The following NOS1AP variants were observed in gnomAD, a reference collection of about 807,000 sequenced individuals.
The protein encoded by NOS1AP is carboxyl-terminal PDZ ligand of neuronal nitric oxide synthase protein.
In NOS1AP, 21 loss-of-function variants were observed where a neutral mutation model predicts 56.2. The ratio of observed to expected loss-of-function variants is 0.37; its 90% CI spans 0.26 to 0.54. The LOEUF (loss-of-function observed/expected upper bound fraction) is 0.54, where lower values mean the gene tolerates loss of function less well. NOS1AP is among the 20% of genes least tolerant of loss of function. The pLI, the probability that NOS1AP is intolerant of heterozygous loss-of-function variation, is 0.84. For synonymous variants in NOS1AP, 270 were observed against 274.6 expected, an observed-to-expected ratio of 0.98 and a Z score of 0.17; for missense variants, 522 against 657.8, an observed-to-expected ratio of 0.79 and a Z score of 2.26.
chr1:162,127,876 A>G (rs1010751692), intron 1 of NOS1AP, among the ~76,000 whole-genome samples: 7 of 152,232 alleles, frequency 4.6e-5, no homozygotes, highest in African/African-American at 1.2e-4. Flanking sequence ...TCGTGGGGAC[A>G]TAGATCCAAA....
chr1:162,235,110 G>C (rs193165031), intron 2 of NOS1AP, among the ~76,000 whole-genome samples: 161 of 151,208 alleles, frequency 1.1e-3, no homozygotes, highest in African/African-American at 3.6e-3. Context: ...TACAGAGAGA[G>C]AGAAATTTTT....
At chr1:162,286,569 G>T (rs150259849) in intron 2 of NOS1AP, among the ~76,000 whole-genome samples, 347 of 152,316 alleles carry the variant, frequency 2.3e-3, no homozygotes, top group African/African-American at 8.2e-3. Flanking sequence ...GGCTATGAAT[G>T]AACAAATGTA....
intron 4 of NOS1AP, among the ~76,000 whole-genome samples, chr1:162,303,400 G>T (rs1655722908): frequency 6.6e-6 from 1 of 152,088 alleles, no homozygotes; most frequent in Non-Finnish European, 1.5e-5. Flanking sequence ...ATATCTCATT[G>T]TGATTTAATT....
At chr1:162,070,620 T>C (rs2102005844) in intron 1 of NOS1AP, among the ~76,000 whole-genome samples, 1 of 152,340 alleles carries the variant, frequency 6.6e-6, no homozygotes, top group Non-Finnish European at 1.5e-5. Context: ...CCTGGGCACC[T>C]GGTCGTTTAG....
chr1:162,299,797 G>T (rs1655582560), intron 3 of NOS1AP, among the ~76,000 whole-genome samples: 1 of 151,990 alleles, frequency 6.6e-6, no homozygotes, highest in African/African-American at 2.4e-5. Flanking sequence ...CACATACGTA[G>T]TATGGTATTT....
intron 1 of NOS1AP, among the ~76,000 whole-genome samples, chr1:162,110,794 A>G (rs1231833160): frequency 6.6e-6 from 1 of 152,218 alleles, no homozygotes; most frequent in Non-Finnish European, 1.5e-5. Context: ...TATGATGTAC[A>G]TATTAAAGTT....
chr1:162,306,799 T>C (rs145056394), intron 4 of NOS1AP, among the ~76,000 whole-genome samples: 1 of 152,192 alleles, frequency 6.6e-6, no homozygotes, highest in Admixed American at 6.5e-5. Flanking sequence ...TAGCTGAGCA[T>C]GGTGGTGGGT....
intron 2 of NOS1AP, among the ~76,000 whole-genome samples, chr1:162,174,929 C>G (rs1050414755): frequency 9.9e-5 from 15 of 152,066 alleles, no homozygotes; most frequent in African/African-American, 3.4e-4. Flanking sequence ...GATTACTGGT[C>G]AGGCCTATTT....
chr1:162,307,997 A>G (rs747432376), intron 4 of NOS1AP, among the ~76,000 whole-genome samples: 10 of 152,202 alleles, frequency 6.6e-5, no homozygotes, highest in Non-Finnish European at 1.5e-4. Context: ...AAACAGTGGT[A>G]TGTCAGCCTG....
rs537283207 is a variant in NOS1AP, at chr1:162,115,295, C to T, written c.106-39110C>T. Among the ~76,000 whole-genome samples the T allele has an allele frequency of 1.1e-4, 17 of 152,208 alleles. No homozygotes were observed. The South Asian group carries it at 3.1e-3, about 28-fold the overall frequency. On this transcript the variant is annotated intron_variant, in intron 1 of 9. Transcript: ENST00000361897. ...TATAAGGGAAAATAAAACAGTATAC[C>T]ATGACTCTAAATTGGGTGGTCATTT...
intron 4 of NOS1AP, 126 bp from the exon 5 acceptor site, chr1:162,332,891 A>C: frequency 1.4e-6 from 1 of 735,592 alleles, no homozygotes; most frequent in African/African-American, 1.7e-5. Context: ...CTGAAGGAAG[A>C]AGACTTTCTG....
rs764449871 is a variant in NOS1AP at position 162,369,062 on chromosome 1, G to A, written c.*1595G>A. On this transcript the variant is annotated 3_prime_UTR_variant, in exon 10 of 10. Coordinates refer to ENST00000361897, the MANE Select transcript of NOS1AP (RefSeq NM_014697.3). ...CAGGGTGTCAGTGGAAATAGGATCA[G>A]GTGGTGTGTGTGTGTGTGTTTTGTG... The A allele has an allele frequency of 1.3e-5, 2 of 151,386 alleles. No individual in the cohort carries two copies. Among genetic ancestry groups the A allele is most frequent in the Non-Finnish European group, 2.9e-5 (2 of 67,906 alleles). The allele number at this position is 151,386 out of a possible 1,614,324, so 9.4% of individuals were successfully genotyped here. A position where few individuals can be genotyped will look rare whatever the true frequency, so the allele number is the denominator to read the frequency against.
At chr1:162,308,194 C>T (rs1655904702) in intron 4 of NOS1AP, among the ~76,000 whole-genome samples, 1 of 152,220 alleles carries the variant, frequency 6.6e-6, no homozygotes. Context: ...GATATGATTA[C>T]AGCTACTAGT....
chr1:162,274,488 C>T (rs1654679709), intron 2 of NOS1AP, among the ~76,000 whole-genome samples: 1 of 152,220 alleles, frequency 6.6e-6, no homozygotes, highest in Admixed American at 6.5e-5. Flanking sequence ...GTGCATCTAC[C>T]ATACAGTGTT....
At chr1:162,240,747 T>C (rs1653465426) in intron 2 of NOS1AP, among the ~76,000 whole-genome samples, 1 of 152,344 alleles carries the variant, frequency 6.6e-6, no homozygotes, top group African/African-American at 2.4e-5. Context: ...TCATGGTCCA[T>C]TCATGTATTC....
At chr1:162,355,022 G>T (rs569948621) in intron 6 of NOS1AP, among the ~76,000 whole-genome samples, 165 bp from the exon 7 acceptor site, 83 of 152,300 alleles carry the variant, frequency 5.4e-4, no homozygotes, top group African/African-American at 1.8e-3. Flanking sequence ...ATCTTACTGG[G>T]CTGGAAATGC....
At chr1:162,117,774 G>A (rs1395170111) in intron 1 of NOS1AP, among the ~76,000 whole-genome samples, 1 of 152,222 alleles carries the variant, frequency 6.6e-6, no homozygotes, top group Non-Finnish European at 1.5e-5. Context: ...TACCCTTCCA[G>A]CTCTTTCAGG....
intron 6 of NOS1AP, among the ~76,000 whole-genome samples, chr1:162,352,099 GC>G (rs1244606777): frequency 4.0e-5 from 6 of 150,490 alleles, no homozygotes; most frequent in African/African-American, 9.8e-5. Context: ...TCACTCTATT[GC>G]CCAGGCTGGA....
At chr1:162,229,427 G>A (rs1211921548) in intron 2 of NOS1AP, among the ~76,000 whole-genome samples, 1 of 151,898 alleles carries the variant, frequency 6.6e-6, no homozygotes, top group African/African-American at 2.4e-5. Context: ...TACCCAGAAT[G>A]GTATGTCTGC....
Sources: gnomAD v4.1 joint callset for allele counts (sites outside exome capture counted in the v4.1 genomes callset) on GRCh38, gnomAD v4.1.1 for gene constraint, MANE v1.5 for transcripts, NCBI Gene and HGNC (gene_info 2026-07-23, HGNC 2026-07-21) for gene names.